Variants in MSRA observed in about 807,000 individuals in gnomAD.
MSRA encodes mitochondrial peptide methionine sulfoxide reductase.
In MSRA, 54 loss-of-function variants were observed where a neutral mutation model predicts 31.3. The ratio of observed to expected loss-of-function variants is 1.73; its 90% CI spans 1.39 to 2.17. The LOEUF (loss-of-function observed/expected upper bound fraction) is 2.17, where lower values mean the gene tolerates loss of function less well. Ranked by LOEUF, MSRA falls within the 30% of genes most tolerant of loss-of-function variation. MSRA has a pLI of 0.00. For missense variants in MSRA, 507 were observed against 300.9 expected (o/e 1.69, Z -5.07); for synonymous variants, 169 against 116.5 (o/e 1.45, Z -2.90).
intron 5 of MSRA, among the ~76,000 whole-genome samples, chr8:10,376,269 G>T (rs889282022): frequency 6.6e-6 from 1 of 152,146 alleles, no homozygotes; most frequent in African/African-American, 2.4e-5. Flanking sequence ...GTTTCTTGAG[G>T]CTTCTCCTAT....
chr8:10,290,870 A>G (rs1235192808), intron 3 of MSRA, among the ~76,000 whole-genome samples: 2 of 152,154 alleles, frequency 1.3e-5, no homozygotes, highest in East Asian at 3.8e-4. Context: ...TGCTTGACAG[A>G]TTGGTTTTGC....
chr8:10,308,593 T>G (rs141317495), intron 4 of MSRA, among the ~76,000 whole-genome samples: 1 of 152,362 alleles, frequency 6.6e-6, no homozygotes, highest in East Asian at 1.9e-4. Flanking sequence ...CCGGACTCTT[T>G]ACAGTGGCCA....
At chr8:10,203,614 C>G (rs1013074057) in intron 1 of MSRA, among the ~76,000 whole-genome samples, 13 of 151,584 alleles carry the variant, frequency 8.6e-5, no homozygotes, top group Admixed American at 2.0e-4. Flanking sequence ...TATAAAAGTT[C>G]AGCACATTCG....
chr8:10,359,697 A>AGGAGGATGGTCTCAGAT (rs1183667632), intron 5 of MSRA, among the ~76,000 whole-genome samples: 3 of 152,000 alleles, frequency 2.0e-5, no homozygotes, highest in African/African-American at 7.2e-5. Flanking sequence ...GTCCCCCAAG[A>AGGAGGATGGTCTCAGAT]GGAGGATGGT....
At chr8:10,196,859 A>G (rs958152780) in intron 1 of MSRA, among the ~76,000 whole-genome samples, 2 of 152,152 alleles carry the variant, frequency 1.3e-5, no homozygotes, top group African/African-American at 4.8e-5. Flanking sequence ...GGCATGAGCC[A>G]CTGTACCTGG....
At chr8:10,309,137 C>A (rs1563334705) in intron 4 of MSRA, among the ~76,000 whole-genome samples, 1 of 152,226 alleles carries the variant, frequency 6.6e-6, no homozygotes, top group African/African-American at 2.4e-5. Flanking sequence ...ATCATTCTCT[C>A]CTTGCTTCCT....
At chr8:10,116,725 T>G (rs1475644317) in intron 1 of MSRA, among the ~76,000 whole-genome samples, 1 of 152,144 alleles carries the variant, frequency 6.6e-6, no homozygotes, top group African/African-American at 2.4e-5. Context: ...CTCAGCACTT[T>G]GGGAGGCTGA....
intron 2 of MSRA, among the ~76,000 whole-genome samples, chr8:10,242,837 C>G (rs1797406823): frequency 6.6e-6 from 1 of 152,108 alleles, no homozygotes; most frequent in Non-Finnish European, 1.5e-5. Context: ...TCCTAACAAC[C>G]TGTGTCCTAA....
At chr8:10,392,512 C>G (rs1213749125) in intron 5 of MSRA, among the ~76,000 whole-genome samples, 1 of 152,136 alleles carries the variant, frequency 6.6e-6, no homozygotes, top group Admixed American at 6.5e-5. Context: ...CTCTTTCTCC[C>G]CTTCCTCTGT....
chr8:10,188,515 G>A (rs529642093), intron 1 of MSRA, among the ~76,000 whole-genome samples: 8 of 152,256 alleles, frequency 5.3e-5, no homozygotes, highest in Middle Eastern at 3.4e-3. Flanking sequence ...AAAAGAATGG[G>A]GAACTGTATT....
chr8:10,247,443 A>G (rs1039826634), intron 3 of MSRA, among the ~76,000 whole-genome samples: 2 of 152,140 alleles, frequency 1.3e-5, no homozygotes, highest in Non-Finnish European at 2.9e-5. Flanking sequence ...TCTTTCATAT[A>G]TGTCCCTCTG....
intron 2 of MSRA, among the ~76,000 whole-genome samples, chr8:10,243,349 C>T (rs899916406): frequency 6.6e-6 from 1 of 152,202 alleles, no homozygotes; most frequent in Non-Finnish European, 1.5e-5. Context: ...CACTCACCTA[C>T]AGCTTGTCCT....
chr8:10,285,586 A>C (rs1799889359), intron 3 of MSRA, among the ~76,000 whole-genome samples: 2 of 152,094 alleles, frequency 1.3e-5, no homozygotes, highest in Non-Finnish European at 2.9e-5. Context: ...GAATACTGGA[A>C]CTTATTCCCC....
At chr8:10,185,181 C>A (rs139050473) in intron 1 of MSRA, among the ~76,000 whole-genome samples, 393 of 152,120 alleles carry the variant, frequency 2.6e-3, no homozygotes, top group Non-Finnish European at 4.6e-3. Flanking sequence ...TGCGAATCCC[C>A]CTGTGGACAA....
chr8:10,123,439 T>A (rs1037938429), intron 1 of MSRA, among the ~76,000 whole-genome samples: 1 of 152,252 alleles, frequency 6.6e-6, no homozygotes, highest in African/African-American at 2.4e-5. Context: ...ATGCATAGTT[T>A]GCAAAAATTT....
chr8:10,278,337 C>G (rs767552812), intron 3 of MSRA, among the ~76,000 whole-genome samples: 2 of 152,184 alleles, frequency 1.3e-5, no homozygotes, highest in Non-Finnish European at 2.9e-5. Flanking sequence ...TGGAATTGGA[C>G]CACCTGCCAT....
intron 3 of MSRA, among the ~76,000 whole-genome samples, chr8:10,282,583 C>A (rs1207190860): frequency 6.6e-6 from 1 of 152,186 alleles, no homozygotes; most frequent in African/African-American, 2.4e-5. Flanking sequence ...CATAGTGGCA[C>A]TGTGCTTGAT....
At chr8:10,109,877 A>C (rs183183658) in intron 1 of MSRA, among the ~76,000 whole-genome samples, 1 of 152,234 alleles carries the variant, frequency 6.6e-6, no homozygotes, top group South Asian at 2.1e-4. Flanking sequence ...ACCAGTCTGA[A>C]TATGGCCTTA....
chr8:10,185,702 C>T (rs867511591), intron 1 of MSRA, among the ~76,000 whole-genome samples: 11 of 152,166 alleles, frequency 7.2e-5, no homozygotes, highest in African/African-American at 1.7e-4. Flanking sequence ...GCTACTGTGA[C>T]GCTTTTTGTG....
Sources: allele counts gnomAD v4.1 joint callset (sites outside exome capture counted in the v4.1 genomes callset), GRCh38; gene constraint gnomAD v4.1.1; transcripts MANE v1.5; gene names NCBI Gene and HGNC (gene_info 2026-07-23, HGNC 2026-07-21).